NDRG1: variants seen among roughly 807,000 people sequenced by gnomAD.
NDRG1 encodes the protein protein NDRG1.
NDRG1 carries 32 observed loss-of-function variants against 56.9 expected under a neutral mutation model. That is an observed-to-expected ratio of 0.56 (90% CI 0.42 to 0.76). The LOEUF is 0.76. Among genes scored for constraint, NDRG1 ranks in the 30% least tolerant of loss-of-function variants. NDRG1 has a pLI of 0.00. For synonymous variants in NDRG1, 211 were observed against 204.1 expected (o/e 1.03, Z -0.29); for missense variants, 507 against 545.7 (o/e 0.93, Z 0.71).
chr8:133,248,866 C>T, intron 10 of NDRG1, 95 bp from the exon 11 acceptor site: 2 of 1,411,884 alleles, frequency 1.4e-6, no homozygotes, highest in Non-Finnish European at 1.0e-6. Flanking sequence ...CTGCCAGTGG[C>T]CATTCTGGTA....
intron 3 of NDRG1, among the ~76,000 whole-genome samples, chr8:133,273,061 C>A (rs951623133): frequency 3.9e-5 from 6 of 152,218 alleles, no homozygotes; most frequent in South Asian, 2.1e-4. Flanking sequence ...GGGAGCCAGA[C>A]CTCCAGAGCC....
rs777244818 is a variant in NDRG1 at position 133,239,006 on chromosome 8, G to A, written c.1057C>T (p.Arg353Cys). The change falls in exon 16 of 16, where the codon CGC becomes TGC. Residue 353 changes from arginine to cysteine, a missense_variant. Arg to Cys is a radical substitution (Grantham distance 180). Coordinates refer to ENST00000323851, the MANE Select transcript of NDRG1 (RefSeq NM_006096.4). ...CGGGTGCCCTCGCTGGTGTGGGAGC[G>A]GCTTCGGGTGCCCTCGCTGGTGTGG... ...RSHTSEGTRS[R>C]SHTSEGTRSR... 77 of 1,596,494 alleles carry A rather than the reference G, an allele frequency of 4.8e-5. No individual in the cohort carries two copies. Among genetic ancestry groups the A allele is most frequent in the South Asian group, 9.1e-5 (8 of 88,008 alleles).
chr8:133,270,078 G>C (rs772945311), intron 3 of NDRG1, among the ~76,000 whole-genome samples: 2 of 152,214 alleles, frequency 1.3e-5, no homozygotes, highest in Non-Finnish European at 2.9e-5. Context: ...ATGTGTAACA[G>C]CTGCCTCCCC....
chr8:133,246,648 T>C lies in NDRG1; in HGVS notation c.823A>G (p.Lys275Glu). The C allele has an allele frequency of 6.2e-7, 1 of 1,614,218 alleles. No individual in the cohort carries two copies. ...AVDAVVECNS[K>E]LDPTKTTLLK... ...AGAGTGGTCTTTGTTGGGTCCAATT[T>C]TGAGTTGCACTCCACCTGCACAAGA... The change falls in exon 13 of 16, where the codon AAA (lysine) becomes GAA (glutamate). Residue 275 changes from lysine to glutamate, a missense_variant. Lys to Glu is a moderately conservative substitution (Grantham distance 56). Transcript: ENST00000323851.
chr8:133,271,707 G>A (rs1475860502), intron 3 of NDRG1, among the ~76,000 whole-genome samples: 1 of 139,072 alleles, frequency 7.2e-6, no homozygotes, highest in Non-Finnish European at 1.5e-5. Context: ...TTGAGCCCAG[G>A]AGGTCACAGT....
intron 3 of NDRG1, among the ~76,000 whole-genome samples, chr8:133,273,769 GTA>G (rs1171483415): frequency 6.6e-6 from 1 of 152,200 alleles, no homozygotes; most frequent in East Asian, 1.9e-4. Flanking sequence ...GAGACAATGA[GTA>G]TGCAAATATT....
chr8:133,293,139 C>CCTCT (rs1354529846), intron 1 of NDRG1, among the ~76,000 whole-genome samples: 1 of 152,218 alleles, frequency 6.6e-6, no homozygotes, highest in Non-Finnish European at 1.5e-5. Flanking sequence ...TACTCATGGC[C>CCTCT]CTCTACCTCT....
At chr8:133,294,671 T>C (rs1010102193) in intron 1 of NDRG1, among the ~76,000 whole-genome samples, 10 of 143,942 alleles carry the variant, frequency 6.9e-5, no homozygotes, top group Non-Finnish European at 1.5e-4. Context: ...TCTTCTGTCA[T>C]GGGGGGGGGG....
chr8:133,284,479 T>A (rs7816664), intron 1 of NDRG1, 150 bp from the exon 2 acceptor site: 1 of 693,518 alleles, frequency 1.4e-6, no homozygotes, highest in Non-Finnish European at 2.6e-6. Flanking sequence ...GATGAGGAGG[T>A]CCCTTGTACA....
intron 1 of NDRG1, among the ~76,000 whole-genome samples, chr8:133,293,135 T>C (rs2130814120): frequency 6.6e-6 from 1 of 152,220 alleles, no homozygotes; most frequent in East Asian, 1.9e-4. Context: ...CACCTACTCA[T>C]GGCCCTCTAC....
intron 12 of NDRG1, 150 bp from the exon 13 acceptor site, chr8:133,246,813 G>A: frequency 2.6e-6 from 2 of 759,972 alleles, no homozygotes; most frequent in South Asian, 1.6e-5. Flanking sequence ...GGATTCAGCA[G>A]ATGTGGCTTG....
intron 3 of NDRG1, among the ~76,000 whole-genome samples, chr8:133,269,674 C>T (rs1012646472): frequency 3.9e-5 from 6 of 152,204 alleles, no homozygotes; most frequent in African/African-American, 1.4e-4. Flanking sequence ...CATCCTGTTT[C>T]ACATTCTGTG....
chr8:133,255,605 G>T, intron 8 of NDRG1: 1 of 344,510 alleles, frequency 2.9e-6, no homozygotes. Flanking sequence ...ATAAAAAACA[G>T]GGAGTGTGTT....
intron 4 of NDRG1, among the ~76,000 whole-genome samples, chr8:133,263,918 A>G (rs1166850683): frequency 2.3e-5 from 1 of 43,684 alleles, no homozygotes; most frequent in Non-Finnish European, 4.3e-5. Flanking sequence ...TCTGTCTCAG[A>G]AAAAAAAAAA....
chr8:133,281,148 A>T (rs2930001), intron 2 of NDRG1: 3 of 151,764 alleles, frequency 2.0e-5, no homozygotes, highest in Admixed American at 6.6e-5. Context: ...ACCTGAGGTC[A>T]GGAGTTCAAG....
At chr8:133,275,319 C>T (rs1181154428) in intron 3 of NDRG1, among the ~76,000 whole-genome samples, 1 of 152,180 alleles carries the variant, frequency 6.6e-6, no homozygotes, top group Non-Finnish European at 1.5e-5. Flanking sequence ...TGGTAACAAC[C>T]TTGAAAAGTG....
At chr8:133,241,829 G>C in intron 15 of NDRG1, 194 bp downstream of exon 15, 1 of 650,706 alleles carries the variant, frequency 1.5e-6, no homozygotes, top group Admixed American at 2.6e-5. Flanking sequence ...GAGGAAAAAT[G>C]AGCCTCACTG....
intron 1 of NDRG1, among the ~76,000 whole-genome samples, chr8:133,291,488 T>C (rs1291650221): frequency 6.6e-6 from 1 of 152,194 alleles, no homozygotes; most frequent in Admixed American, 6.5e-5. Context: ...CTCTTGGTGT[T>C]TTCTGGCCCT....
At chr8:133,243,829 T>C (rs745517552) in intron 14 of NDRG1, among the ~76,000 whole-genome samples, 2 of 152,200 alleles carry the variant, frequency 1.3e-5, no homozygotes, top group Non-Finnish European at 2.9e-5. Context: ...AGATTCTTTA[T>C]AGGAGGGGAA....
Sources: gnomAD v4.1 joint callset for allele counts (sites outside exome capture counted in the v4.1 genomes callset) on GRCh38, gnomAD v4.1.1 for gene constraint, MANE v1.5 for transcripts, NCBI Gene and HGNC (gene_info 2026-07-23, HGNC 2026-07-21) for gene names.